The following STXBP5L variants were observed in gnomAD, a reference collection of about 807,000 sequenced individuals.
STXBP5L encodes syntaxin-binding protein 5-like.
A neutral mutation model predicts 144.5 loss-of-function variants in STXBP5L; 65 were observed. The ratio of observed to expected loss-of-function variants is 0.45; its 90% confidence interval spans 0.37 to 0.55. The LOEUF (loss-of-function observed/expected upper bound fraction) is 0.55, where lower values mean the gene tolerates loss of function less well. Ranked by LOEUF, STXBP5L falls within the 20% of genes least tolerant of loss-of-function variation. The pLI, the probability that STXBP5L is intolerant of heterozygous loss-of-function variation, is 0.00. For missense variants in STXBP5L, 1,298 were observed against 1,405.5 expected, an observed-to-expected ratio of 0.92 and a Z score of 1.22; for synonymous variants, 505 against 469.6, an observed-to-expected ratio of 1.08 and a Z score of -0.97.
intron 7 of STXBP5L, among the ~76,000 whole-genome samples, chr3:121,139,526 T>C (rs1024711058): frequency 6.6e-6 from 1 of 152,092 alleles, no homozygotes; most frequent in Non-Finnish European, 1.5e-5. Context: ...CTAGGCAATG[T>C]GGCTCAGAGT....
At chr3:121,034,344 G>C (rs1003497082) in intron 3 of STXBP5L, among the ~76,000 whole-genome samples, 1 of 151,884 alleles carries the variant, frequency 6.6e-6, no homozygotes, top group African/African-American at 2.4e-5. Context: ...ATGTCCATGT[G>C]GACACGTTAT....
intron 22 of STXBP5L, among the ~76,000 whole-genome samples, chr3:121,382,890 T>C (rs2046350598): frequency 6.6e-6 from 1 of 152,114 alleles, no homozygotes; most frequent in African/African-American, 2.4e-5. Context: ...ATTTGAAAAC[T>C]TTTTCTTTAT....
At chr3:121,055,686 A>T (rs1211340462) in intron 5 of STXBP5L, among the ~76,000 whole-genome samples, 1 of 147,332 alleles carries the variant, frequency 6.8e-6, no homozygotes, top group Non-Finnish European at 1.5e-5. Flanking sequence ...TTTTTTTTTT[A>T]AAGTAGAGAT....
rs567384383 is a variant in STXBP5L at position 121,038,290 on chromosome 3, C to G, written c.288-3410C>G. On this transcript the variant is annotated intron_variant, in intron 3 of 26. Coordinates refer to ENST00000471454, the MANE Select transcript of STXBP5L (RefSeq NM_001308330.2). Reference sequence around the variant, plus strand: ...GGTAATAAAAGCTCTAAATTTTTCTCAAAGTGCTGCTTTAGCTGCATCTCA... The same window carrying G: ...GGTAATAAAAGCTCTAAATTTTTCTGAAAGTGCTGCTTTAGCTGCATCTCA... 2.0e-5 allele frequency among the ~76,000 whole-genome samples: 3 copies of G among 152,010 alleles called. No homozygotes were observed. The South Asian group carries it at 6.2e-4, about 32-fold the overall frequency.
intron 2 of STXBP5L, among the ~76,000 whole-genome samples, chr3:120,914,438 T>A (rs1709003782): frequency 6.6e-6 from 1 of 152,088 alleles, no homozygotes; most frequent in Non-Finnish European, 1.5e-5. Context: ...ATGATGCTCA[T>A]ATCTGACATA....
chr3:121,287,908 AC>A lies in STXBP5L; in HGVS notation c.2110+7954del, dbSNP rs767158758. Among the ~76,000 whole-genome samples the A allele has an allele frequency of 1.8e-4, 27 of 152,310 alleles. No homozygotes were observed. In the East Asian group the frequency reaches 3.1e-3, roughly 17 times the overall value. On this transcript the variant is annotated intron_variant, in intron 19 of 26. Transcript: ENST00000471454. Reference sequence around the variant, plus strand: ...TAAGAAGACTTAAATAAATAGTTACACCAAGTTTATGTCTCACAAAACTCAA... The same window carrying A: ...TAAGAAGACTTAAATAAATAGTTACACAAGTTTATGTCTCACAAAACTCAA...
At chr3:121,036,873 G>A (rs559935684) in intron 3 of STXBP5L, among the ~76,000 whole-genome samples, 78 of 142,616 alleles carry the variant, frequency 5.5e-4, no homozygotes, top group Admixed American at 9.8e-4. Context: ...AACCAACATT[G>A]CATTCCTGGC....
intron 3 of STXBP5L, among the ~76,000 whole-genome samples, chr3:121,008,953 G>T (rs537511528): frequency 6.6e-6 from 1 of 151,780 alleles, no homozygotes; most frequent in Non-Finnish European, 1.5e-5. Flanking sequence ...TACCAAGTGG[G>T]TGGTTGATCT....
chr3:121,211,404 T>C (rs1307388910), intron 10 of STXBP5L, among the ~76,000 whole-genome samples: 1 of 152,130 alleles, frequency 6.6e-6, no homozygotes, highest in East Asian at 1.9e-4. Context: ...CTTTTCCCAA[T>C]TGAAAACCCT....
intron 6 of STXBP5L, among the ~76,000 whole-genome samples, chr3:121,115,939 A>G (rs2044214275): frequency 6.6e-6 from 1 of 152,160 alleles, no homozygotes; most frequent in African/African-American, 2.4e-5. Flanking sequence ...CACTATTACA[A>G]GAAGAGCCCT....
intron 5 of STXBP5L, among the ~76,000 whole-genome samples, chr3:121,078,539 C>T (rs937445469): frequency 2.0e-5 from 3 of 152,264 alleles, no homozygotes; most frequent in African/African-American, 4.8e-5. Flanking sequence ...CCGCACTCCT[C>T]AGCCCTTGGG....
At chr3:121,081,767 A>C (rs1011851449) in intron 5 of STXBP5L, among the ~76,000 whole-genome samples, 1 of 152,190 alleles carries the variant, frequency 6.6e-6, no homozygotes, top group African/African-American at 2.4e-5. Flanking sequence ...GCAGAGGCCC[A>C]GTATTTATTA....
intron 20 of STXBP5L, among the ~76,000 whole-genome samples, chr3:121,374,598 A>G (rs2046128904): frequency 6.6e-6 from 1 of 152,224 alleles, no homozygotes; most frequent in African/African-American, 2.4e-5. Context: ...AAATTCAACA[A>G]AGAGATAGAT....
In STXBP5L at chr3:121,341,654, T is replaced by C. The variant is rs565822181; in HGVS notation, c.2176+23114T>C. 1.5e-4 allele frequency among the ~76,000 whole-genome samples: 23 copies of C among 152,166 alleles called. No individual in the cohort carries two copies. In the South Asian group the frequency reaches 3.5e-3, roughly 23 times the overall value. ...GGATGAATGGATAAAGAAAATATGGTAGATATACACAATGGAGTAGTATTC... is the reference window on the plus strand; with the variant it reads ...GGATGAATGGATAAAGAAAATATGGCAGATATACACAATGGAGTAGTATTC... On this transcript the variant is annotated intron_variant, in intron 20 of 26. Transcript: ENST00000471454.
At chr3:121,208,752 A>T (rs966601829) in intron 10 of STXBP5L, among the ~76,000 whole-genome samples, 63 of 152,048 alleles carry the variant, frequency 4.1e-4, no homozygotes, top group Admixed American at 1.2e-3. Flanking sequence ...GTATTATTTT[A>T]TGGGTTTTTT....
chr3:121,003,083 G>A (rs1211702399), intron 3 of STXBP5L, among the ~76,000 whole-genome samples: 1 of 152,156 alleles, frequency 6.6e-6, no homozygotes, highest in Non-Finnish European at 1.5e-5. Context: ...TAATGGGATG[G>A]CTGGGTCAAA....
At chr3:121,316,153 T>C (rs2043780172) in intron 19 of STXBP5L, among the ~76,000 whole-genome samples, 1 of 152,214 alleles carries the variant, frequency 6.6e-6, no homozygotes, top group Non-Finnish European at 1.5e-5. Context: ...ATAATGATTG[T>C]TCTGAATAAC....
chr3:121,346,332 T>A (rs1370109772), intron 20 of STXBP5L, among the ~76,000 whole-genome samples: 1 of 152,162 alleles, frequency 6.6e-6, no homozygotes, highest in African/African-American at 2.4e-5. Context: ...GTGCCACATT[T>A]TCTTAATCCA....
chr3:120,940,938 GAT>G (rs1710538676), intron 2 of STXBP5L, among the ~76,000 whole-genome samples: 2 of 151,742 alleles, frequency 1.3e-5, no homozygotes, highest in Admixed American at 1.3e-4. Context: ...GAAAGGAAGT[GAT>G]AGTATGAGAG....
Sources: allele counts gnomAD v4.1 joint callset (sites outside exome capture counted in the v4.1 genomes callset), GRCh38; gene constraint gnomAD v4.1.1; transcripts MANE v1.5; gene names NCBI Gene and HGNC (gene_info 2026-07-23, HGNC 2026-07-21).